NRXN1: variants seen among roughly 807,000 people sequenced by gnomAD.
NRXN1 encodes the protein neurexin-1.
In NRXN1, 39 loss-of-function variants were observed where a neutral mutation model predicts 150.9. That is an observed-to-expected ratio of 0.26 (90% CI 0.20 to 0.34). The LOEUF is 0.34. Among genes scored for constraint, NRXN1 ranks in the 10% least tolerant of loss-of-function variants. The probability of loss-of-function intolerance (pLI) is 1.00; values close to 1 mark genes in which losing one functional copy is unlikely to be tolerated. For synonymous variants in NRXN1, 924 were observed against 757.0 expected, an observed-to-expected ratio of 1.22 and a Z score of -3.62; for missense variants, 1,815 against 1,949.9, an observed-to-expected ratio of 0.93 and a Z score of 1.30.
At chr2:50,149,717 T>A (rs929967230) in intron 18 of NRXN1, among the ~76,000 whole-genome samples, 1 of 151,730 alleles carries the variant, frequency 6.6e-6, no homozygotes, top group Non-Finnish European at 1.5e-5. Flanking sequence ...CATAGATTTA[T>A]CTCAGTGCCA....
chr2:50,740,776 G>A (rs1172450592), intron 5 of NRXN1, among the ~76,000 whole-genome samples: 1 of 152,008 alleles, frequency 6.6e-6, no homozygotes, highest in African/African-American at 2.4e-5. Context: ...AGGACAAGGA[G>A]GAAGGATGAG....
chr2:50,338,882 C>G (rs1018753714), intron 17 of NRXN1, among the ~76,000 whole-genome samples: 2 of 152,124 alleles, frequency 1.3e-5, no homozygotes, highest in Non-Finnish European at 2.9e-5. Context: ...ACTATCCACA[C>G]TTTAGATTTT....
At chr2:50,373,038 T>C (rs1275122246) in intron 17 of NRXN1, among the ~76,000 whole-genome samples, 12 of 152,144 alleles carry the variant, frequency 7.9e-5, no homozygotes, top group Non-Finnish European at 4.4e-5. Flanking sequence ...ACATTGAGCA[T>C]TGCTATACCA....
intron 18 of NRXN1, among the ~76,000 whole-genome samples, chr2:50,106,766 T>G (rs1297993253): frequency 6.6e-6 from 1 of 151,982 alleles, no homozygotes; most frequent in Non-Finnish European, 1.5e-5. Context: ...AAAGAAATTA[T>G]GAAAGATTTT....
In NRXN1 at chr2:49,919,348, G is replaced by C. The variant is rs1034323796; in HGVS notation, c.*2596C>G. The C allele has an allele frequency of 4.6e-5, 7 of 151,960 alleles. No individual in the cohort carries two copies. The highest frequency in any genetic ancestry group is 7.4e-5 in the Non-Finnish European group (5 of 67,952). The allele number at this position is 151,960 out of a possible 1,614,324, so 9.4% of individuals were successfully genotyped here. Reference sequence around the variant, plus strand: ...GAGTTTGTGTAAGCCAATAATATTAGAAATAATTTTGCTGATAATAAACTA... The same window carrying C: ...GAGTTTGTGTAAGCCAATAATATTACAAATAATTTTGCTGATAATAAACTA... On this transcript the variant is annotated 3_prime_UTR_variant, in exon 23 of 23. Coordinates refer to ENST00000401669, the MANE Select transcript of NRXN1 (RefSeq NM_001330078.2).
chr2:50,834,144 C>T (rs1003194703), intron 5 of NRXN1, among the ~76,000 whole-genome samples: 1 of 152,070 alleles, frequency 6.6e-6, no homozygotes, highest in African/African-American at 2.4e-5. Context: ...GACTACCCAG[C>T]TGGGCTTACT....
At chr2:50,062,008 G>T (rs192873377) in intron 19 of NRXN1, among the ~76,000 whole-genome samples, 1 of 152,044 alleles carries the variant, frequency 6.6e-6, no homozygotes, top group East Asian at 1.9e-4. Context: ...ATCTCTAATT[G>T]TAAGGTATTA....
intron 8 of NRXN1, among the ~76,000 whole-genome samples, chr2:50,614,369 C>T (rs1168112504): frequency 6.6e-6 from 1 of 152,028 alleles, no homozygotes; most frequent in Non-Finnish European, 1.5e-5. Context: ...CCATCAGGTC[C>T]AAAGCCTTTT....
At chr2:50,006,191 G>A (rs1006049931) in intron 21 of NRXN1, among the ~76,000 whole-genome samples, 8 of 151,700 alleles carry the variant, frequency 5.3e-5, no homozygotes, top group African/African-American at 9.7e-5. Context: ...CTCTTGTTTC[G>A]GCAATGTTCC....
At chr2:50,735,073 A>G (rs1422599461) in intron 5 of NRXN1, among the ~76,000 whole-genome samples, 1 of 152,136 alleles carries the variant, frequency 6.6e-6, no homozygotes, top group Non-Finnish European at 1.5e-5. Context: ...ATGGTGTTAG[A>G]CTATTCTCAT....
intron 17 of NRXN1, among the ~76,000 whole-genome samples, chr2:50,381,230 A>G (rs894649871): frequency 1.1e-4 from 13 of 117,810 alleles, no homozygotes; most frequent in Non-Finnish European, 1.8e-4. Context: ...ACTTATGAGG[A>G]AAAAAAAATT....
chr2:51,003,239 G>T (rs938688356), intron 2 of NRXN1, among the ~76,000 whole-genome samples: 1 of 151,884 alleles, frequency 6.6e-6, no homozygotes, highest in African/African-American at 2.4e-5. Context: ...TTATCAACCA[G>T]TGGACCAGTT....
At chr2:50,462,879 C>T (rs969896232) in intron 17 of NRXN1, among the ~76,000 whole-genome samples, 2 of 151,764 alleles carry the variant, frequency 1.3e-5, no homozygotes, top group African/African-American at 4.8e-5. Flanking sequence ...ACTCTATAAA[C>T]CTTATCAGCG....
At chr2:50,264,822 G>T (rs1376981143) in intron 17 of NRXN1, among the ~76,000 whole-genome samples, 1 of 151,986 alleles carries the variant, frequency 6.6e-6, no homozygotes, top group East Asian at 1.9e-4. Flanking sequence ...CAAGAAGTGG[G>T]AACAAGACCA....
intron 20 of NRXN1, 23 bp from the exon 21 acceptor site, chr2:50,053,613 A>G: frequency 6.2e-7 from 1 of 1,610,836 alleles, no homozygotes; most frequent in Non-Finnish European, 8.5e-7. Flanking sequence ...TATTACATAC[A>G]TGCAAAAATG....
At chr2:49,995,502 C>T (rs1006483589) in intron 21 of NRXN1, among the ~76,000 whole-genome samples, 9 of 152,044 alleles carry the variant, frequency 5.9e-5, no homozygotes, top group African/African-American at 2.2e-4. Context: ...GGAAAAGAGG[C>T]CGGGCGCGGT....
intron 5 of NRXN1, among the ~76,000 whole-genome samples, chr2:50,763,665 C>T (rs1460006582): frequency 6.6e-6 from 1 of 151,872 alleles, no homozygotes; most frequent in Admixed American, 6.6e-5. Context: ...CAAAAGATTC[C>T]TCTTTCTAGC....
intron 5 of NRXN1, among the ~76,000 whole-genome samples, chr2:50,698,978 C>T (rs1041787976): frequency 6.6e-6 from 1 of 152,092 alleles, no homozygotes; most frequent in Non-Finnish European, 1.5e-5. Flanking sequence ...CATTAAGAAC[C>T]TATACTACCA....
intron 5 of NRXN1, among the ~76,000 whole-genome samples, chr2:50,913,156 C>G (rs1050474655): frequency 2.0e-5 from 3 of 151,802 alleles, no homozygotes; most frequent in Non-Finnish European, 4.4e-5. Flanking sequence ...AAAGCCATCA[C>G]ATCATTCTTT....
Sources: gnomAD v4.1 joint callset for allele counts (sites outside exome capture counted in the v4.1 genomes callset) on GRCh38, gnomAD v4.1.1 for gene constraint, MANE v1.5 for transcripts, NCBI Gene and HGNC (gene_info 2026-07-23, HGNC 2026-07-21) for gene names.